Variants in NCAM2 observed in about 807,000 individuals in gnomAD.
The protein encoded by NCAM2 is N-CAM-2.
A neutral mutation model predicts 98.1 loss-of-function variants in NCAM2; 30 were observed. The observed-to-expected ratio is 0.31, with a 90% CI of 0.23 to 0.41. The LOEUF is 0.41. Ranked by LOEUF, NCAM2 falls within the 10% of genes least tolerant of loss-of-function variation. The pLI, the probability that NCAM2 is intolerant of heterozygous loss-of-function variation, is 1.00. For synonymous variants in NCAM2, 368 were observed against 342.4 expected (o/e 1.07, Z -0.83); for missense variants, 867 against 1,005.8 (o/e 0.86, Z 1.87).
chr21:21,388,154 A>T (rs558200587), intron 9 of NCAM2, among the ~76,000 whole-genome samples: 1 of 152,318 alleles, frequency 6.6e-6, no homozygotes, highest in African/African-American at 2.4e-5. Context: ...CAAGAAAACA[A>T]GCCCGACAAC....
intron 1 of NCAM2, among the ~76,000 whole-genome samples, chr21:21,178,560 T>C (rs1168977114): frequency 6.6e-6 from 1 of 152,084 alleles, no homozygotes; most frequent in African/African-American, 2.4e-5. Flanking sequence ...CTATACATTA[T>C]GTTTATGCTA....
At chr21:21,271,523 A>G (rs1268511677) in intron 1 of NCAM2, among the ~76,000 whole-genome samples, 1 of 152,214 alleles carries the variant, frequency 6.6e-6, no homozygotes, top group Non-Finnish European at 1.5e-5. Flanking sequence ...TGCTTTCTGC[A>G]TATTAAAATT....
chr21:21,187,689 C>T (rs1017161721), intron 1 of NCAM2, among the ~76,000 whole-genome samples: 1 of 152,146 alleles, frequency 6.6e-6, no homozygotes, highest in South Asian at 2.1e-4. Flanking sequence ...CAAAATGGTG[C>T]TAGTTATTAA....
chr21:21,157,237 T>A (rs1291967549), intron 1 of NCAM2, among the ~76,000 whole-genome samples: 1 of 152,128 alleles, frequency 6.6e-6, no homozygotes, highest in East Asian at 1.9e-4. Context: ...AGAAGAGCAA[T>A]TCACTACTTG....
At chr21:21,113,872 T>G (rs1305883679) in intron 1 of NCAM2, among the ~76,000 whole-genome samples, 1 of 152,176 alleles carries the variant, frequency 6.6e-6, no homozygotes, top group Non-Finnish European at 1.5e-5. Flanking sequence ...CTATGGATAT[T>G]TATATTGTTA....
intron 8 of NCAM2, among the ~76,000 whole-genome samples, chr21:21,346,858 A>G (rs1307458287): frequency 1.3e-5 from 2 of 152,094 alleles, no homozygotes; most frequent in African/African-American, 2.4e-5. Context: ...ACAAAAACCT[A>G]TGGGATATAG....
chr21:21,521,508 G>A (rs75900146), intron 16 of NCAM2, among the ~76,000 whole-genome samples: 2,383 of 152,206 alleles, frequency 0.016, 27 homozygotes, highest in Non-Finnish European at 0.022. Flanking sequence ...ATATCGATGA[G>A]TAACATGCTA....
intron 1 of NCAM2, among the ~76,000 whole-genome samples, chr21:21,152,348 C>CATTTTTTTTTTT (rs2067472116): frequency 1.3e-5 from 2 of 151,706 alleles, no homozygotes; most frequent in African/African-American, 4.8e-5. Flanking sequence ...TATGCTAATT[C>CATTTTTTTTTTT]CATTTTATTT....
intron 1 of NCAM2, among the ~76,000 whole-genome samples, chr21:21,244,036 G>A (rs1017484566): frequency 6.6e-6 from 1 of 152,186 alleles, no homozygotes; most frequent in Non-Finnish European, 1.5e-5. Flanking sequence ...AGAGCTTCCA[G>A]TGTAATCTAA....
intron 5 of NCAM2, among the ~76,000 whole-genome samples, chr21:21,316,684 C>T (rs2074232705): frequency 6.6e-6 from 1 of 151,782 alleles, no homozygotes; most frequent in Non-Finnish European, 1.5e-5. Flanking sequence ...GCTGGCATTA[C>T]AGGTGCCTAC....
chr21:21,451,652 G>C (rs1425561877), intron 12 of NCAM2, among the ~76,000 whole-genome samples: 1 of 151,990 alleles, frequency 6.6e-6, no homozygotes, highest in African/African-American at 2.4e-5. Flanking sequence ...ACTTCTACTG[G>C]GTTATCTAAC....
chr21:21,156,000 T>C (rs1264401410), intron 1 of NCAM2, among the ~76,000 whole-genome samples: 1 of 152,010 alleles, frequency 6.6e-6, no homozygotes, highest in Non-Finnish European at 1.5e-5. Context: ...AAGGTTCTTC[T>C]TACTTCAGTT....
intron 12 of NCAM2, among the ~76,000 whole-genome samples, chr21:21,436,006 G>T (rs1016363527): frequency 6.6e-6 from 1 of 152,142 alleles, no homozygotes; most frequent in African/African-American, 2.4e-5. Flanking sequence ...CCCTAACGTT[G>T]TAAGATATGT....
intron 1 of NCAM2, among the ~76,000 whole-genome samples, chr21:21,064,066 A>C (rs2065380726): frequency 6.6e-6 from 1 of 152,288 alleles, no homozygotes; most frequent in Admixed American, 6.5e-5. Flanking sequence ...ACAGATCTTA[A>C]GTAGAAGGAG....
At chr21:21,159,177 A>G (rs1359898772) in intron 1 of NCAM2, among the ~76,000 whole-genome samples, 2 of 152,222 alleles carry the variant, frequency 1.3e-5, no homozygotes, top group Non-Finnish European at 2.9e-5. Flanking sequence ...TAAATAAAAA[A>G]TATCTTCATA....
chr21:21,364,289 A>C (rs2075729121), intron 8 of NCAM2, among the ~76,000 whole-genome samples: 1 of 152,034 alleles, frequency 6.6e-6, no homozygotes, highest in Admixed American at 6.6e-5. Context: ...GTTATCAATT[A>C]TACATGAGTT....
At chr21:21,149,767 G>T (rs978534148) in intron 1 of NCAM2, among the ~76,000 whole-genome samples, 5 of 152,112 alleles carry the variant, frequency 3.3e-5, no homozygotes, top group African/African-American at 1.2e-4. Context: ...TGGCTGCATA[G>T]TATTACATGG....
At chr21:21,030,199 C>G (rs2064649452) in intron 1 of NCAM2, among the ~76,000 whole-genome samples, 1 of 152,096 alleles carries the variant, frequency 6.6e-6, no homozygotes, top group South Asian at 2.1e-4. Flanking sequence ...TCACTTAAGC[C>G]TAAACATAAT....
intron 1 of NCAM2, among the ~76,000 whole-genome samples, chr21:21,234,930 A>T (rs2147204157): frequency 6.6e-6 from 1 of 152,182 alleles, no homozygotes; most frequent in Admixed American, 6.6e-5. Context: ...GGGTATTTTA[A>T]TTCCATCTTG....
Sources: gnomAD v4.1 joint callset for allele counts (sites outside exome capture counted in the v4.1 genomes callset) on GRCh38, gnomAD v4.1.1 for gene constraint, MANE v1.5 for transcripts, NCBI Gene and HGNC (gene_info 2026-07-23, HGNC 2026-07-21) for gene names.